ZNF362: variants seen among roughly 807,000 people sequenced by gnomAD.
ZNF362 encodes the protein rotund homolog.
Under a neutral mutation model 42.9 loss-of-function variants are expected in ZNF362, and 11 were observed. The ratio of observed to expected loss-of-function variants is 0.26; its 90% CI spans 0.16 to 0.42. The LOEUF (loss-of-function observed/expected upper bound fraction) is 0.42, where lower values mean the gene tolerates loss of function less well. ZNF362 is among the 20% of genes least tolerant of loss of function. The pLI, the probability that ZNF362 is intolerant of heterozygous loss-of-function variation, is 1.00. For missense variants in ZNF362, 362 were observed against 576.2 expected (o/e 0.63, Z 3.81); for synonymous variants, 255 against 257.3 (o/e 0.99, Z 0.09).
At chr1:33,286,344 T>G (rs12567237) in intron 6 of ZNF362, among the ~76,000 whole-genome samples, 5 of 151,564 alleles carry the variant, frequency 3.3e-5, no homozygotes, top group Admixed American at 3.3e-4. Flanking sequence ...GTTTTTTTTT[T>G]CCAAGAAGTA....
At chr1:33,195,962 C>T in the ZNF362 span, 7 of 152,246 alleles carry the variant, frequency 4.6e-5, no homozygotes, top group East Asian at 1.3e-3. Flanking sequence ...TAACACTTAG[C>T]TTAAAACATG....
chr1:33,189,673 G>GTA, the ZNF362 span, among the ~76,000 whole-genome samples: 2 of 9,000 alleles, frequency 2.2e-4, no homozygotes, highest in Non-Finnish European at 1.0e-3. Flanking sequence ...ATATATATAT[G>GTA]TATATATATA....
the ZNF362 span, among the ~76,000 whole-genome samples, chr1:33,220,578 G>A: frequency 2.0e-5 from 3 of 152,118 alleles, no homozygotes; most frequent in African/African-American, 4.8e-5. Context: ...CTCTGTGGGT[G>A]TGGAGGCGCC....
the ZNF362 span, among the ~76,000 whole-genome samples, chr1:33,187,431 G>A: frequency 6.6e-6 from 1 of 152,172 alleles, no homozygotes; most frequent in Non-Finnish European, 1.5e-5. Flanking sequence ...GTGGTGGAAA[G>A]TCACGATTTG....
chr1:33,161,853 C>T, the ZNF362 span, among the ~76,000 whole-genome samples: 3 of 152,198 alleles, frequency 2.0e-5, no homozygotes, highest in Non-Finnish European at 4.4e-5. This position sits in a 1 kb window ranked among gnomAD's most constrained non-coding sequence, Gnocchi z 4.3. Flanking sequence ...CCTCCCATCT[C>T]TGTGACTGCT....
the ZNF362 span, among the ~76,000 whole-genome samples, chr1:33,250,749 G>GA: frequency 2.8e-4 from 39 of 141,114 alleles, no homozygotes; most frequent in Admixed American, 1.8e-3. Flanking sequence ...AAAAGTTGAA[G>GA]AAAAAAAAAG....
chr1:33,203,835 G>A, the ZNF362 span, among the ~76,000 whole-genome samples: 8 of 152,088 alleles, frequency 5.3e-5, no homozygotes, highest in African/African-American at 1.9e-4. Flanking sequence ...TCTTGCTATT[G>A]TTTCTTGCTA....
At chr1:33,146,599 C>G in the ZNF362 span, 1 of 162,172 alleles carries the variant, frequency 6.2e-6, no homozygotes, top group Admixed American at 5.6e-5. Context: ...CATCACTGAC[C>G]AGCAGATCAG....
At chr1:33,218,479 C>G in the ZNF362 span, among the ~76,000 whole-genome samples, 1 of 152,140 alleles carries the variant, frequency 6.6e-6, no homozygotes, top group Non-Finnish European at 1.5e-5. Flanking sequence ...CTCCAAAAAG[C>G]TAGTACCAAT....
chr1:33,201,877 T>G, the ZNF362 span, among the ~76,000 whole-genome samples: 26 of 152,154 alleles, frequency 1.7e-4, no homozygotes, highest in Middle Eastern at 3.4e-3. Flanking sequence ...CCAGACTGAT[T>G]TGGGAAAAAA....
Position 33,295,341 on chromosome 1 carries a change from A to G in ZNF362, c.1146+36A>G, listed in dbSNP as rs756578158. On this transcript the variant is annotated intron_variant, in intron 8 of 8. Transcript: ENST00000539719. Reference sequence around the variant, plus strand: ...GTCGGCCTGTGCCCTGCCCCGGGGGAGCCACTTCGTCTTCCAGGCCTCAGT... The same window carrying G: ...GTCGGCCTGTGCCCTGCCCCGGGGGGGCCACTTCGTCTTCCAGGCCTCAGT... 2.5e-6 allele frequency: 4 copies of G among 1,602,778 alleles called. No homozygotes were observed. The East Asian group carries it at 9.0e-5, about 36-fold the overall frequency.
At chr1:33,235,195 G>A in the ZNF362 span, among the ~76,000 whole-genome samples, 35 of 152,106 alleles carry the variant, frequency 2.3e-4, no homozygotes, top group Admixed American at 5.2e-4. Context: ...CATGTTCCTC[G>A]TCATCCAGCC....
At chr1:33,263,067 A>G (rs1013826136) in intron 1 of ZNF362, among the ~76,000 whole-genome samples, 2 of 152,268 alleles carry the variant, frequency 1.3e-5, no homozygotes, top group Non-Finnish European at 2.9e-5. Context: ...CTGTTCACTC[A>G]GGCCTCCTTG....
upstream of ZNF362, among the ~76,000 whole-genome samples, chr1:33,253,714 C>A (rs1380505061): frequency 6.6e-6 from 1 of 151,972 alleles, no homozygotes; most frequent in African/African-American, 2.4e-5. Flanking sequence ...GTTCTAAGTG[C>A]CTAGAATGAT....
At chr1:33,168,807 G>A in the ZNF362 span, among the ~76,000 whole-genome samples, 1 of 152,096 alleles carries the variant, frequency 6.6e-6, no homozygotes, top group Non-Finnish European at 1.5e-5. Flanking sequence ...AGATGTTGAG[G>A]AGATGGGCCA....
intron 6 of ZNF362, among the ~76,000 whole-genome samples, chr1:33,287,417 T>G (rs556107507): frequency 7.2e-5 from 11 of 152,232 alleles, no homozygotes; most frequent in African/African-American, 2.6e-4. Context: ...ACCCAGGAGG[T>G]AGAGGCTGCA....
At chr1:33,197,369 A>G in the ZNF362 span, among the ~76,000 whole-genome samples, 7 of 152,138 alleles carry the variant, frequency 4.6e-5, no homozygotes, top group African/African-American at 1.2e-4. Context: ...ATATATACAT[A>G]TATCCTATTA....
chr1:33,275,895 G>A (rs567994994), intron 2 of ZNF362, among the ~76,000 whole-genome samples: 19 of 152,242 alleles, frequency 1.2e-4, no homozygotes, highest in African/African-American at 4.6e-4. Flanking sequence ...GGGGGTGGTG[G>A]GGGTGTCACT....
chr1:33,142,635 A>C, the ZNF362 span: 1 of 152,256 alleles, frequency 6.6e-6, no homozygotes, highest in African/African-American at 2.4e-5. Context: ...AGCTTGGCTC[A>C]CAATTGAGAC....
Sources: allele counts gnomAD v4.1 joint callset (sites outside exome capture counted in the v4.1 genomes callset), GRCh38; gene constraint gnomAD v4.1.1; non-coding constraint Gnocchi (gnomAD v3.1); transcripts MANE v1.5; gene names NCBI Gene and HGNC (gene_info 2026-07-23, HGNC 2026-07-21).